ETFBKMT: variants seen among roughly 807,000 people sequenced by gnomAD.
ETFBKMT encodes the protein electron transfer flavoprotein subunit beta lysine methyltransferase.
In ETFBKMT, 13 loss-of-function variants were observed where a neutral mutation model predicts 18.3. The observed-to-expected ratio is 0.71, with a 90% CI of 0.46 to 1.13. ETFBKMT has a LOEUF of 1.13. ETFBKMT is among the 50% of genes most tolerant of loss of function. The pLI is 0.00. For missense variants in ETFBKMT, 293 were observed against 306.2 expected (o/e 0.96, Z 0.32); for synonymous variants, 84 against 107.9 (o/e 0.78, Z 1.37).
At chr12:31,647,814 G>A (rs1453935405) in intron 1 of ETFBKMT, among the ~76,000 whole-genome samples, 1 of 152,030 alleles carries the variant, frequency 6.6e-6, no homozygotes, top group African/African-American at 2.4e-5. Context: ...TGGTGACAGA[G>A]GGAGACTCCA....
chr12:31,648,923 TGCCTCA>T (rs1440014069), intron 1 of ETFBKMT, among the ~76,000 whole-genome samples: 1 of 151,726 alleles, frequency 6.6e-6, no homozygotes, highest in Non-Finnish European at 1.5e-5. Context: ...GTGATCCGCC[TGCCTCA>T]GCCTCCCAAA....
At chr12:31,654,322 T>C (rs1951042186), upstream of ETFBKMT, among the ~76,000 whole-genome samples, 1 of 152,200 alleles carries the variant, frequency 6.6e-6, no homozygotes, top group Non-Finnish European at 1.5e-5. Context: ...AGTGCTGGGA[T>C]TACAGGCATG....
Position 31,663,565 on chromosome 12 carries a change from G to A in ETFBKMT, c.314+1298G>A, listed in dbSNP as rs909144661. On this transcript the variant is annotated intron_variant, in intron 2 of 3. Transcript: ENST00000357721. ...GACAGGGCATGTATGCCTCTACTTT[G>A]CCATAGTGTTAACTGGTTGATGTCA... Among the ~76,000 whole-genome samples, 99 of 152,208 alleles carry A rather than the reference G, an allele frequency of 6.5e-4. 2 individuals carry two copies. The highest frequency in any genetic ancestry group is 1.9e-4 in the East Asian group (1 of 5,192).
upstream of ETFBKMT, among the ~76,000 whole-genome samples, chr12:31,656,902 TGTTTCTAATAA>T (rs1951066814): frequency 6.6e-6 from 1 of 152,234 alleles, no homozygotes; most frequent in Admixed American, 6.5e-5. Flanking sequence ...ACTATCTCTG[TGTTTCTAATAA>T]TGATCATCAC....
intron 2 of ETFBKMT, among the ~76,000 whole-genome samples, chr12:31,662,809 G>A (rs754158563): frequency 2.0e-5 from 3 of 152,084 alleles, no homozygotes; most frequent in Non-Finnish European, 2.9e-5. Flanking sequence ...AGTTCATAGC[G>A]CATGACCATT....
In ETFBKMT at chr12:31,667,719, T is replaced by C. The variant is rs766477603; in HGVS notation, c.518T>C (p.Ile173Thr). ...CCTTTTCCTATTTTAATCCAAAACA[T>C]TTTGAATTTGGAACAAGATAAGTGG... ...LNPFPILIQN[I>T]LNLEQDKWDL... is the part of the protein sequence containing the mutation. The change falls in exon 4 of 4, where the codon ATT becomes ACT. Residue 173 changes from isoleucine to threonine, a missense_variant. Physicochemically the swap from Ile to Thr is moderately conservative, Grantham distance 89 (BLOSUM62 -1). Transcript: ENST00000357721. 9 of 1,614,122 alleles carry C rather than the reference T, an allele frequency of 5.6e-6. No homozygotes were observed. The highest frequency in any genetic ancestry group is 7.6e-6 in the Non-Finnish European group (9 of 1,180,008).
chr12:31,655,648 T>C (rs1027504069), upstream of ETFBKMT, among the ~76,000 whole-genome samples: 2 of 152,252 alleles, frequency 1.3e-5, no homozygotes, highest in African/African-American at 4.8e-5. Context: ...ATCTCATGTA[T>C]AGCATAGATG....
rs1170535443 is a variant in ETFBKMT at position 31,671,904 on chromosome 12, T to C, written c.*3914T>C. 1 of 154,732 alleles carries C rather than the reference T, an allele frequency of 6.5e-6. No individual in the cohort carries two copies. Among genetic ancestry groups the C allele is most frequent in the Non-Finnish European group, 1.4e-5 (1 of 69,774 alleles). 9.6% of individuals were successfully genotyped at this position (154,732 alleles called of 1,614,324 possible). ...GGTAACTATGCTTTTAGAAATATGTTTACTTAGATTCTCCCAAGGTTTATA... is the reference window on the plus strand; with the variant it reads ...GGTAACTATGCTTTTAGAAATATGTCTACTTAGATTCTCCCAAGGTTTATA... On this transcript the variant is annotated 3_prime_UTR_variant, in exon 4 of 4. Coordinates refer to ENST00000357721, the MANE Select transcript of ETFBKMT (RefSeq NM_001135863.2).
intron 2 of ETFBKMT, among the ~76,000 whole-genome samples, chr12:31,663,544 G>A (rs1215168671): frequency 6.6e-6 from 1 of 152,166 alleles, no homozygotes; most frequent in Non-Finnish European, 1.5e-5. Flanking sequence ...TATTTAGACA[G>A]GGCATGTATG....
Position 31,672,566 on chromosome 12 carries a change from G to A in ETFBKMT, c.*4576G>A. 2 of 502,736 alleles carry A rather than the reference G, an allele frequency of 4.0e-6. No individual in the cohort carries two copies. Among genetic ancestry groups the A allele is most frequent in the Non-Finnish European group, 7.1e-6 (2 of 281,440 alleles). The allele number at this position is 502,736 out of a possible 1,614,324, so 31.1% of individuals were successfully genotyped here. On this transcript the variant is annotated 3_prime_UTR_variant, in exon 4 of 4. Transcript: ENST00000357721. ...ATGGTAGCCCTCACTATTATTAGGT[G>A]TAGTGCACCTATCATGGTATTACTT...
In ETFBKMT at chr12:31,661,879, C is replaced by CAA. The variant is rs1337299423; in HGVS notation, c.-75_-74insAA. 21 of 1,382,616 alleles carry CAA rather than the reference C, an allele frequency of 1.5e-5. No individual in the cohort carries two copies. Among genetic ancestry groups the CAA allele is most frequent in the Non-Finnish European group, 2.0e-5 (20 of 993,980 alleles). 85.6% of individuals were successfully genotyped at this position (1,382,616 alleles called of 1,614,324 possible). Reference sequence around the variant, plus strand: ...GGTTGAGATCAAGTTGGGAGACACACCCTTGTTCATTCTCCTTGAGAAGCA... The same window carrying CAA: ...GGTTGAGATCAAGTTGGGAGACACACAACCTTGTTCATTCTCCTTGAGAAGCA... On this transcript the variant is annotated 5_prime_UTR_variant, in exon 2 of 4. Transcript: ENST00000357721.
chr12:31,648,553 GTTTC>G (rs1950987237), intron 1 of ETFBKMT, among the ~76,000 whole-genome samples: 1 of 93,224 alleles, frequency 1.1e-5, no homozygotes, highest in African/African-American at 3.5e-5. Context: ...GTAGAGATGG[GTTTC>G]TTTTTTTTTT....
Position 31,672,542 on chromosome 12 carries a change from T to C in ETFBKMT, c.*4552T>C, listed in dbSNP as rs182823883. ...AACTAACTCACTAATAATTAATTAATGGTAGCCCTCACTATTATTAGGTGT... is the reference window on the plus strand; with the variant it reads ...AACTAACTCACTAATAATTAATTAACGGTAGCCCTCACTATTATTAGGTGT... On this transcript the variant is annotated 3_prime_UTR_variant, in exon 4 of 4. Transcript: ENST00000357721. 1.6e-4 allele frequency: 91 copies of C among 570,216 alleles called. 2 individuals are homozygous for C. The highest frequency in any genetic ancestry group is 1.4e-3 in the African/African-American group (77 of 53,490). 35.3% of individuals were successfully genotyped at this position (570,216 alleles called of 1,614,324 possible).
chr12:31,667,518 T>C, intron 3 of ETFBKMT, 129 bp from the exon 4 acceptor site: 2 of 756,884 alleles, frequency 2.6e-6, no homozygotes. Flanking sequence ...CTTCTCTACT[T>C]TAAAAAACAA....
rs1951254307 is a variant in ETFBKMT at position 31,670,690 on chromosome 12, T to C, written c.*2700T>C. ...TGGAGTCTTGCTACATTGGCCAGGCTGGGTATTACTGGGTATTTCTTTCTT... is the reference window on the plus strand; with the variant it reads ...TGGAGTCTTGCTACATTGGCCAGGCCGGGTATTACTGGGTATTTCTTTCTT... On this transcript the variant is annotated 3_prime_UTR_variant, in exon 4 of 4. Coordinates refer to ENST00000357721, the MANE Select transcript of ETFBKMT (RefSeq NM_001135863.2). 1 of 152,184 alleles carries C rather than the reference T, an allele frequency of 6.6e-6. No homozygotes were observed. The highest frequency in any genetic ancestry group is 1.5e-5 in the Non-Finnish European group (1 of 68,054). 9.4% of individuals were successfully genotyped at this position (152,184 alleles called of 1,614,324 possible).
chr12:31,648,601 T>G (rs1482634627), intron 1 of ETFBKMT, among the ~76,000 whole-genome samples: 5 of 137,794 alleles, frequency 3.6e-5, no homozygotes, highest in Admixed American at 7.7e-5. Context: ...TCTCGCTGTC[T>G]CCCAGGCTGG....
At position 31,667,989 on chromosome 12, in the gene ETFBKMT, G is replaced by C. The variant is rs757539947; in HGVS notation, c.788G>C (p.Ter263SerextTer29). ...AGCACAGTGTGGGGTTTTCAGCCTT[G>C]AGTTGTCAAAGTGCTTCCAAGTATG... Reference protein sequence around the residue: ...TTSTVWGFQP* With the variant: ...TTSTVWGFQPS The change falls in exon 4 of 4, where the codon TGA becomes TCA. Residue 263 changes from the stop codon to serine (S), a stop_lost. Coordinates refer to ENST00000357721, the MANE Select transcript of ETFBKMT (RefSeq NM_001135863.2). 2 of 1,608,994 alleles carry C rather than the reference G, an allele frequency of 1.2e-6. No homozygotes were observed.
intron 2 of ETFBKMT, among the ~76,000 whole-genome samples, chr12:31,663,115 CAG>C (rs1458355969): frequency 2.0e-5 from 3 of 151,010 alleles, no homozygotes; most frequent in East Asian, 1.9e-4. Context: ...TTTTTTGAGA[CAG>C]AGTCTCACTC....
chr12:31,665,649 A>G (rs1951184590), intron 2 of ETFBKMT, among the ~76,000 whole-genome samples: 1 of 152,204 alleles, frequency 6.6e-6, no homozygotes, highest in African/African-American at 2.4e-5. Flanking sequence ...CAGACCTGAG[A>G]GCCCCGAACA....
Sources: allele counts gnomAD v4.1 joint callset (sites outside exome capture counted in the v4.1 genomes callset), GRCh38; gene constraint gnomAD v4.1.1; transcripts MANE v1.5; gene names NCBI Gene and HGNC (gene_info 2026-07-23, HGNC 2026-07-21).